EPB41L4B: variants seen among roughly 807,000 people sequenced by gnomAD.
The protein encoded by EPB41L4B is erythrocyte membrane protein band 4.1 like 4B.
EPB41L4B carries 30 observed loss-of-function variants against 112.5 expected under a neutral mutation model. The observed-to-expected ratio is 0.27, with a 90% CI of 0.20 to 0.36. EPB41L4B has a LOEUF of 0.36. Ranked by LOEUF, EPB41L4B falls within the 10% of genes least tolerant of loss-of-function variation. The pLI is 1.00. For synonymous variants in EPB41L4B, 408 were observed against 439.7 expected, an observed-to-expected ratio of 0.93 and a Z score of 0.90; for missense variants, 1,024 against 1,133.3, an observed-to-expected ratio of 0.90 and a Z score of 1.38.
intron 2 of EPB41L4B, among the ~76,000 whole-genome samples, chr9:109,272,567 A>G (rs1412217586): frequency 1.3e-5 from 2 of 152,228 alleles, no homozygotes; most frequent in Non-Finnish European, 2.9e-5. Flanking sequence ...AGCCTGGACA[A>G]CATGGTAAAA....
At chr9:109,199,388 G>A (rs1832747480) in intron 20 of EPB41L4B, among the ~76,000 whole-genome samples, 1 of 152,122 alleles carries the variant, frequency 6.6e-6, no homozygotes, top group Non-Finnish European at 1.5e-5. Flanking sequence ...AGTGATGGGG[G>A]CCAGGTGCGG....
At chr9:109,224,988 G>C (rs1833709977) in intron 15 of EPB41L4B, among the ~76,000 whole-genome samples, 1 of 152,160 alleles carries the variant, frequency 6.6e-6, no homozygotes, top group African/African-American at 2.4e-5. Flanking sequence ...CTTTCCATCT[G>C]TCTTGGCTTC....
chr9:109,263,427 T>C (rs1835288053), intron 5 of EPB41L4B, among the ~76,000 whole-genome samples: 1 of 152,270 alleles, frequency 6.6e-6, no homozygotes, highest in Admixed American at 6.5e-5. Flanking sequence ...TTTAAACATA[T>C]TTTAAATTTA....
At chr9:109,267,025 G>A (rs1835432443) in intron 4 of EPB41L4B, among the ~76,000 whole-genome samples, 1 of 149,680 alleles carries the variant, frequency 6.7e-6, no homozygotes, top group South Asian at 2.1e-4. Flanking sequence ...ATAACATGAA[G>A]GGATTTTAAC....
intron 15 of EPB41L4B, among the ~76,000 whole-genome samples, chr9:109,232,651 C>T (rs1405111458): frequency 2.0e-5 from 3 of 152,088 alleles, no homozygotes; most frequent in Non-Finnish European, 4.4e-5. Flanking sequence ...TTATTCATCC[C>T]GGAATGTAGT....
intron 18 of EPB41L4B, among the ~76,000 whole-genome samples, 159 bp downstream of exon 18, chr9:109,207,765 C>A (rs1221264747): frequency 6.6e-6 from 1 of 152,148 alleles, no homozygotes; most frequent in Non-Finnish European, 1.5e-5. Flanking sequence ...AAATTAAAAT[C>A]ATGGTTCACA....
At chr9:109,226,152 T>G (rs951321498) in intron 15 of EPB41L4B, among the ~76,000 whole-genome samples, 2 of 152,182 alleles carry the variant, frequency 1.3e-5, no homozygotes, top group Non-Finnish European at 2.9e-5. Flanking sequence ...CAACTTACAC[T>G]GTTTACAGGA....
At chr9:109,255,459 C>T in intron 11 of EPB41L4B, 52 bp downstream of exon 11, 1 of 1,597,078 alleles carries the variant, frequency 6.3e-7, no homozygotes, top group South Asian at 1.1e-5. Flanking sequence ...AAAGAAATCA[C>T]AGTTGCCCTC....
chr9:109,296,711 C>T (rs1039146130), intron 1 of EPB41L4B, among the ~76,000 whole-genome samples: 1 of 151,876 alleles, frequency 6.6e-6, no homozygotes, highest in Non-Finnish European at 1.5e-5. Context: ...CACAGCCAGA[C>T]CTCCATCTCT....
intron 1 of EPB41L4B, among the ~76,000 whole-genome samples, chr9:109,285,056 G>A (rs1406125839): frequency 6.6e-6 from 1 of 152,092 alleles, no homozygotes; most frequent in African/African-American, 2.4e-5. Flanking sequence ...AATCCATATC[G>A]CCAACCCAGA....
chr9:109,218,333 C>T (rs1188717320), intron 15 of EPB41L4B, among the ~76,000 whole-genome samples: 1 of 151,920 alleles, frequency 6.6e-6, no homozygotes, highest in Non-Finnish European at 1.5e-5. Flanking sequence ...ACCATGTTGG[C>T]CAAGCTGGTT....
Position 109,309,005 on chromosome 9 carries a change from G to A in EPB41L4B, c.306+11136C>T, listed in dbSNP as rs544721118. On this transcript the variant is annotated intron_variant, in intron 1 of 25. Transcript: ENST00000374566. The stretch of plus-strand genomic sequence containing the variant: ...GCAGGAGAATCACTTGAATCCTGGA[G>A]CCAGAGGTTGCAGGGAACCAAGATC... Among the ~76,000 whole-genome samples, 7 of 152,270 alleles carry A rather than the reference G, an allele frequency of 4.6e-5. No individual in the cohort carries two copies. In the South Asian group the frequency reaches 1.5e-3, roughly 32 times the overall value.
At chr9:109,194,479 G>A (rs1342311886) in intron 20 of EPB41L4B, 82 bp from the exon 21 acceptor site, 1 of 1,460,036 alleles carries the variant, frequency 6.8e-7, no homozygotes, top group Non-Finnish European at 9.3e-7. Flanking sequence ...ATGGGCAGGG[G>A]TGGGAAGACC....
intron 15 of EPB41L4B, among the ~76,000 whole-genome samples, chr9:109,220,342 G>T (rs1833529053): frequency 6.6e-6 from 1 of 152,212 alleles, no homozygotes; most frequent in Non-Finnish European, 1.5e-5. Context: ...GCTGGGGCTA[G>T]TTATGAAGGG....
In EPB41L4B at chr9:109,320,898, A is replaced by ACTCGC. The variant is rs1837852189; in HGVS notation, c.-457_-453dup. 2 of 149,574 alleles carry ACTCGC rather than the reference A, an allele frequency of 1.3e-5. No homozygotes were observed. The highest frequency in any genetic ancestry group is 2.0e-4 in the East Asian group (1 of 4,960). 9.3% of individuals were successfully genotyped at this position (149,574 alleles called of 1,614,324 possible). ...GCGTGGTCCTGGCGCGCTCGCTCCC[A>ACTCGC]CTCGCCGCGCCGCGCCCGGGGCCCG... On this transcript the variant is annotated 5_prime_UTR_variant, in exon 1 of 26. Transcript: ENST00000374566.
At chr9:109,257,555 A>T (rs1300701217) in intron 7 of EPB41L4B, among the ~76,000 whole-genome samples, 1 of 152,218 alleles carries the variant, frequency 6.6e-6, no homozygotes, top group Non-Finnish European at 1.5e-5. Context: ...GAGGTCCCAG[A>T]GATGCAGGTA....
rs1837855116 is a variant in EPB41L4B, at chr9:109,320,955, C to G, written c.-509G>C. ...CCCCGCCGAGCGCCCGCTCCCAAGGCGCCTTTTCCTGCGCCCGCAGCCCCC... is the reference window on the plus strand; with the variant it reads ...CCCCGCCGAGCGCCCGCTCCCAAGGGGCCTTTTCCTGCGCCCGCAGCCCCC... On this transcript the variant is annotated 5_prime_UTR_variant, in exon 1 of 26. Transcript: ENST00000374566. The G allele has an allele frequency of 6.1e-6, 1 of 164,690 alleles. No homozygotes were observed. The highest frequency in any genetic ancestry group is 1.7e-4 in the South Asian group (1 of 5,950). 10.2% of individuals were successfully genotyped at this position (164,690 alleles called of 1,614,324 possible).
chr9:109,195,183 T>TAGAGCTTCTGG (rs1387959565), intron 20 of EPB41L4B, among the ~76,000 whole-genome samples: 1 of 152,208 alleles, frequency 6.6e-6, no homozygotes, highest in Non-Finnish European at 1.5e-5. Flanking sequence ...ATCTGCCATG[T>TAGAGCTTCTGG]AGAGCTTCTG....
chr9:109,321,029 C>T lies in EPB41L4B; in HGVS notation c.-583G>A. The T allele has an allele frequency of 1.1e-5, 2 of 188,810 alleles. No homozygotes were observed. Among genetic ancestry groups the T allele is most frequent in the Non-Finnish European group, 1.1e-5 (1 of 93,970 alleles). 11.7% of individuals were successfully genotyped at this position (188,810 alleles called of 1,614,324 possible). Reference sequence around the variant, plus strand: ...CTCCAGCCGCCGCCGCCGCCGCCGCCGCCGCTGCCGCCGGGACTGCAGCAC... The same window carrying T: ...CTCCAGCCGCCGCCGCCGCCGCCGCTGCCGCTGCCGCCGGGACTGCAGCAC... On this transcript the variant is annotated 5_prime_UTR_variant, in exon 1 of 26. Transcript: ENST00000374566.
Sources: gnomAD v4.1 joint callset for allele counts (sites outside exome capture counted in the v4.1 genomes callset) on GRCh38, gnomAD v4.1.1 for gene constraint, MANE v1.5 for transcripts, NCBI Gene and HGNC (gene_info 2026-07-23, HGNC 2026-07-21) for gene names.